The following RBMS3 variants were observed in gnomAD, a reference collection of about 807,000 sequenced individuals.
RBMS3 encodes RNA binding motif single stranded interacting protein 3.
A neutral mutation model predicts 66.8 loss-of-function variants in RBMS3; 27 were observed. The observed-to-expected ratio is 0.40, with a 90% CI of 0.30 to 0.56. The LOEUF is 0.56. Ranked by LOEUF, RBMS3 falls within the 20% of genes least tolerant of loss-of-function variation. The pLI, the probability that RBMS3 is intolerant of heterozygous loss-of-function variation, is 0.40. For synonymous variants in RBMS3, 188 were observed against 183.0 expected, an observed-to-expected ratio of 1.03 and a Z score of -0.22; for missense variants, 513 against 549.5, an observed-to-expected ratio of 0.93 and a Z score of 0.66.
At chr3:29,401,825 G>A (rs1220680533) in intron 1 of RBMS3, among the ~76,000 whole-genome samples, 1 of 152,048 alleles carries the variant, frequency 6.6e-6, no homozygotes, top group Non-Finnish European at 1.5e-5. Flanking sequence ...ATCATTTTCA[G>A]TGTTCAGACA....
chr3:29,586,966 G>C (rs2047539411), intron 3 of RBMS3, 148 bp from the exon 4 acceptor site: 1 of 560,674 alleles, frequency 1.8e-6, no homozygotes, highest in Non-Finnish European at 3.1e-6. Flanking sequence ...AAAGCATTAA[G>C]GACCACTAAT....
At chr3:29,323,881 T>C (rs937710269) in intron 1 of RBMS3, among the ~76,000 whole-genome samples, 2 of 152,078 alleles carry the variant, frequency 1.3e-5, no homozygotes, top group Non-Finnish European at 2.9e-5. Flanking sequence ...TATGCCACTG[T>C]AGGGATTTTT....
At chr3:29,420,985 C>A (rs1367337190) in intron 1 of RBMS3, among the ~76,000 whole-genome samples, 1 of 147,414 alleles carries the variant, frequency 6.8e-6, no homozygotes, top group Non-Finnish European at 1.5e-5. Flanking sequence ...TGGTGGCGGG[C>A]GCCTGTAGTC....
chr3:29,673,104 C>G (rs754886902), intron 4 of RBMS3, among the ~76,000 whole-genome samples: 1 of 152,074 alleles, frequency 6.6e-6, no homozygotes, highest in Non-Finnish European at 1.5e-5. Context: ...AACTCAATAC[C>G]GCACAACTCC....
At chr3:29,613,170 A>G (rs2048549484) in intron 4 of RBMS3, among the ~76,000 whole-genome samples, 1 of 152,186 alleles carries the variant, frequency 6.6e-6, no homozygotes, top group South Asian at 2.1e-4. Context: ...CATCTTTAAC[A>G]TACTGATTTC....
intron 14 of RBMS3, among the ~76,000 whole-genome samples, chr3:29,996,945 C>CA (rs1210272655): frequency 5.9e-5 from 9 of 151,792 alleles, no homozygotes; most frequent in African/African-American, 2.2e-4. Context: ...AATAGAGACA[C>CA]AAAAAACCCT....
chr3:29,372,882 GA>G (rs201869825), intron 1 of RBMS3, among the ~76,000 whole-genome samples: 20,381 of 138,290 alleles, frequency 0.15, 1,406 homozygotes, highest in East Asian at 0.25. Context: ...CAGTGAGAGA[GA>G]AAAAAAAAAA....
In RBMS3 at chr3:29,869,035, C is replaced by T. The variant is rs1225220202; in HGVS notation, c.744+71C>T. Reference sequence around the variant, plus strand: ...ATCCCTCAGAAGGTGGCAAGGCAGACGTATGGTGCCATGATGAAATTGGGT... The same window carrying T: ...ATCCCTCAGAAGGTGGCAAGGCAGATGTATGGTGCCATGATGAAATTGGGT... On this transcript the variant is annotated intron_variant, in intron 7 of 14. Transcript: ENST00000383767. The T allele has an allele frequency of 1.0e-5, 13 of 1,248,264 alleles. No homozygotes were observed. The Admixed American group carries it at 1.1e-4, about 10-fold the overall frequency. The allele number at this position is 1,248,264 out of a possible 1,614,324, so 77.3% of individuals were successfully genotyped here.
At chr3:29,643,921 A>G (rs1425309869) in intron 4 of RBMS3, among the ~76,000 whole-genome samples, 1 of 152,192 alleles carries the variant, frequency 6.6e-6, no homozygotes, top group Non-Finnish European at 1.5e-5. Flanking sequence ...TCTTTCTCTG[A>G]AAACCTCCGT....
intron 3 of RBMS3, among the ~76,000 whole-genome samples, chr3:29,510,181 T>C (rs2044341327): frequency 6.6e-6 from 1 of 152,224 alleles, no homozygotes; most frequent in Non-Finnish European, 1.5e-5. Context: ...GACTTGTTAT[T>C]TCATTCTTTA....
At chr3:29,590,094 T>A (rs934595604) in intron 4 of RBMS3, among the ~76,000 whole-genome samples, 4 of 151,946 alleles carry the variant, frequency 2.6e-5, no homozygotes, top group Admixed American at 6.6e-5. Flanking sequence ...TTATTTATTT[T>A]TTTTTGGTAT....
At chr3:29,685,304 G>A (rs375429521) in intron 4 of RBMS3, among the ~76,000 whole-genome samples, 96 of 152,068 alleles carry the variant, frequency 6.3e-4, no homozygotes, top group South Asian at 3.9e-3. Context: ...CTCGTGATCC[G>A]CCCGCCTCGA....
chr3:29,310,518 TG>T (rs1268751764), intron 1 of RBMS3, among the ~76,000 whole-genome samples: 1 of 151,424 alleles, frequency 6.6e-6, no homozygotes, highest in African/African-American at 2.4e-5. Context: ...TTTTTTTTTT[TG>T]AAGTTTTGAT....
chr3:29,798,010 G>T (rs752672305), intron 6 of RBMS3, among the ~76,000 whole-genome samples: 1 of 151,824 alleles, frequency 6.6e-6, no homozygotes, highest in African/African-American at 2.4e-5. Flanking sequence ...CTCAGGAAAT[G>T]GTGAGGCCTG....
chr3:29,859,837 G>T (rs1016705920), intron 6 of RBMS3, among the ~76,000 whole-genome samples: 2 of 152,116 alleles, frequency 1.3e-5, no homozygotes, highest in African/African-American at 4.8e-5. Context: ...AAGCTTGCCA[G>T]CTCTATATCT....
chr3:29,635,504 C>T (rs559586952), intron 4 of RBMS3, among the ~76,000 whole-genome samples: 3 of 151,964 alleles, frequency 2.0e-5, no homozygotes, highest in South Asian at 4.1e-4. Flanking sequence ...ACCAGTGAAA[C>T]TCTGGCACAA....
chr3:29,895,518 G>A (rs970631331), intron 8 of RBMS3, among the ~76,000 whole-genome samples: 25 of 151,364 alleles, frequency 1.7e-4, no homozygotes, highest in African/African-American at 3.1e-4. Flanking sequence ...TGAGTCTGAC[G>A]TCTTCCATTT....
intron 6 of RBMS3, among the ~76,000 whole-genome samples, chr3:29,837,631 G>GATATATATAATGAACAT (rs1559723784): frequency 2.6e-5 from 3 of 115,740 alleles, no homozygotes; most frequent in East Asian, 2.8e-4. Flanking sequence ...CAAATTAGCA[G>GATATATATAATGAACAT]ATATATATAA....
At chr3:29,701,149 C>T (rs2052553885) in intron 4 of RBMS3, among the ~76,000 whole-genome samples, 1 of 152,038 alleles carries the variant, frequency 6.6e-6, no homozygotes, top group Admixed American at 6.5e-5. Flanking sequence ...TGGTGGCGGG[C>T]TCCTGTAATC....
Sources: allele counts gnomAD v4.1 joint callset (sites outside exome capture counted in the v4.1 genomes callset), GRCh38; gene constraint gnomAD v4.1.1; transcripts MANE v1.5; gene names NCBI Gene and HGNC (gene_info 2026-07-23, HGNC 2026-07-21).